LRRC9: variants seen among roughly 807,000 people sequenced by gnomAD.
LRRC9 encodes the protein leucine rich repeat containing 9.
A neutral mutation model predicts 63.2 loss-of-function variants in LRRC9; 122 were observed. That is an observed-to-expected ratio of 1.93 (90% CI 1.67 to 2.24). The LOEUF (loss-of-function observed/expected upper bound fraction) is 2.24. Ranked by LOEUF, LRRC9 falls within the 30% of genes most tolerant of loss-of-function variation. LRRC9 has a pLI of 0.00. For missense variants in LRRC9, 1,071 were observed against 627.7 expected (o/e 1.71, Z -7.55); for synonymous variants, 366 against 213.1 (o/e 1.72, Z -6.25).
intron 15 of LRRC9, among the ~76,000 whole-genome samples, chr14:59,980,371 T>C (rs1210610161): frequency 6.6e-6 from 1 of 152,222 alleles, no homozygotes. Context: ...ATCACTATCA[T>C]ATTTGTTTTG....
rs558288831 is a variant in LRRC9, at chr14:59,932,185, C to G, written c.543+146C>G. On this transcript the variant is annotated intron_variant, in intron 6 of 31. Transcript: ENST00000445360. This position sits in a 1 kb window ranked among gnomAD's most constrained non-coding sequence, Gnocchi z 4.7. ...TCCAGGAAATTTGAAAGTCATCTGACTACATTGGCCTTAATGATCTGACAC... is the reference window on the plus strand; with the variant it reads ...TCCAGGAAATTTGAAAGTCATCTGAGTACATTGGCCTTAATGATCTGACAC... 7.1e-6 allele frequency: 4 copies of G among 566,106 alleles called. No homozygotes were observed. The highest frequency in any genetic ancestry group is 1.2e-5 in the Non-Finnish European group (4 of 322,720). 35.1% of individuals were successfully genotyped at this position (566,106 alleles called of 1,614,324 possible).
At chr14:60,041,808 TGGA>T (rs899541936) in intron 29 of LRRC9, among the ~76,000 whole-genome samples, 37 of 152,352 alleles carry the variant, frequency 2.4e-4, no homozygotes, top group Admixed American at 2.1e-3. Context: ...TGCATTCCTT[TGGA>T]GGAGAAGAGG....
rs374570950 is a variant in LRRC9, at chr14:59,966,163, ATGT to A, written c.1212-422_1212-420del. Among the ~76,000 whole-genome samples, 229 of 152,252 alleles carry A rather than the reference ATGT, an allele frequency of 1.5e-3. No homozygotes were observed. Among genetic ancestry groups the A allele is most frequent in the African/African-American group, 5.1e-3 (211 of 41,544 alleles). On this transcript the variant is annotated intron_variant, in intron 10 of 31. Coordinates refer to ENST00000445360, the Ensembl canonical transcript of LRRC9. This position sits in a 1 kb window ranked among gnomAD's most constrained non-coding sequence, Gnocchi z 4.0. The stretch of plus-strand genomic sequence containing the variant: ...AGTAGAGATCAAGACTAGAAATAAA[ATGT>A]TGTAATTTATCAGGATGTATATAAA...
intron 17 of LRRC9, among the ~76,000 whole-genome samples, chr14:59,985,951 T>G (rs1390015233): frequency 6.6e-6 from 1 of 152,164 alleles, no homozygotes; most frequent in Non-Finnish European, 1.5e-5. Context: ...TTTCTACTCT[T>G]GTTTTCCCAC....
In LRRC9 at chr14:59,933,478, G is replaced by A. The variant is rs114068013; in HGVS notation, c.543+1439G>A. On this transcript the variant is annotated intron_variant, in intron 6 of 31. Transcript: ENST00000445360. ...GTTAAAAGGTGGCATTTATAATTTT[G>A]CCAGTGTAAGATTGAAGGTGCATAT... Among the ~76,000 whole-genome samples the A allele has an allele frequency of 3.5e-3, 537 of 152,268 alleles. 3 individuals carry two copies. Among genetic ancestry groups the A allele is most frequent in the African/African-American group, 0.012 (518 of 41,554 alleles).
At chr14:59,937,672 A>G (rs1434607282) in intron 6 of LRRC9, among the ~76,000 whole-genome samples, 1 of 152,180 alleles carries the variant, frequency 6.6e-6, no homozygotes, top group Non-Finnish European at 1.5e-5. Flanking sequence ...AAGAGGCAAG[A>G]CTGAAGAGTT....
intron 15 of LRRC9, among the ~76,000 whole-genome samples, chr14:59,981,527 T>G (rs1886926766): frequency 6.6e-6 from 1 of 152,220 alleles, no homozygotes; most frequent in Non-Finnish European, 1.5e-5. Context: ...ACATTTCTGA[T>G]CCTATTTACC....
intron 12 of LRRC9, among the ~76,000 whole-genome samples, chr14:59,969,641 C>G (rs1566827235): frequency 6.6e-6 from 1 of 152,176 alleles, no homozygotes; most frequent in Non-Finnish European, 1.5e-5. Context: ...ATTTGACTAG[C>G]AAACATATCT....
intron 23 of LRRC9, among the ~76,000 whole-genome samples, chr14:60,012,406 T>G (rs1457614044): frequency 6.6e-6 from 1 of 152,146 alleles, no homozygotes; most frequent in Non-Finnish European, 1.5e-5. Context: ...ACAATTTGGG[T>G]AGTTGTGTTT....
At position 59,962,907 on chromosome 14, in the gene LRRC9, G is replaced by C. The variant is rs921169820; in HGVS notation, c.1211+1862G>C. Among the ~76,000 whole-genome samples, 6 of 152,122 alleles carry C rather than the reference G, an allele frequency of 3.9e-5. No individual in the cohort carries two copies. Among genetic ancestry groups the C allele is most frequent in the Non-Finnish European group, 8.8e-5 (6 of 68,020 alleles). On this transcript the variant is annotated intron_variant, in intron 10 of 31. Coordinates refer to ENST00000445360, the Ensembl canonical transcript of LRRC9. The surrounding 1 kb of genome is among the most constrained non-coding windows in gnomAD (Gnocchi z 5.1). ...TAACCTGTTTACTTGGTTTTAATAA[G>C]AGTAACTTTGATTTGTTTTAAGGAA...
At chr14:60,063,412 T>C (rs750117148) in exon 32 of LRRC9, 18 of 691,362 alleles carry the variant, frequency 2.6e-5, no homozygotes, top group Middle Eastern at 2.3e-4. Flanking sequence ...TGTTTAGTAG[T>C]TGTACAAAAA....
At chr14:60,063,143 C>T (rs1380319858) in intron 31 of LRRC9, among the ~76,000 whole-genome samples, 180 bp from the exon 33 acceptor site, 1 of 152,126 alleles carries the variant, frequency 6.6e-6, no homozygotes, top group African/African-American at 2.4e-5. Context: ...GATCCACCTG[C>T]CTCAGCCTCC....
chr14:59,961,715 T>C (rs1219640591), intron 10 of LRRC9, among the ~76,000 whole-genome samples: 1 of 152,208 alleles, frequency 6.6e-6, no homozygotes, highest in Non-Finnish European at 1.5e-5. Context: ...TACTAGTAGA[T>C]ACTAGGAAGT....
chr14:60,002,285 C>T (rs1193803887), intron 20 of LRRC9, among the ~76,000 whole-genome samples, 185 bp downstream of exon 20: 1 of 152,016 alleles, frequency 6.6e-6, no homozygotes, highest in Admixed American at 6.6e-5. Context: ...TATACAATAC[C>T]GTATCGTTAA....
chr14:59,991,121 T>G (rs1464083851), intron 17 of LRRC9, among the ~76,000 whole-genome samples: 1 of 152,218 alleles, frequency 6.6e-6, no homozygotes, highest in Non-Finnish European at 1.5e-5. Context: ...ACTATTATGT[T>G]TATTCCAGTA....
At chr14:59,996,768 A>G (rs1264494289) in intron 17 of LRRC9, among the ~76,000 whole-genome samples, 1 of 152,180 alleles carries the variant, frequency 6.6e-6, no homozygotes, top group Admixed American at 6.5e-5. Flanking sequence ...ACTTGGCAGT[A>G]TTTATCGAGA....
chr14:60,052,476 G>A (rs1336282835), intron 29 of LRRC9, among the ~76,000 whole-genome samples: 1 of 152,126 alleles, frequency 6.6e-6, no homozygotes, highest in Non-Finnish European at 1.5e-5. Context: ...AGGAAATGAG[G>A]TGCAGCATAA....
rs940256430 is a variant in LRRC9 at position 59,930,116 on chromosome 14, GAAAT to G, written c.268-799_268-796del. ...AATTGATTTGTGCAAAGGAAAAACA[GAAAT>G]AAGGGATTAAAACATAAACATATTC... On this transcript the variant is annotated intron_variant, in intron 3 of 31. Transcript: ENST00000445360. This position sits in a 1 kb window ranked among gnomAD's most constrained non-coding sequence, Gnocchi z 4.9. Among the ~76,000 whole-genome samples, 1 of 151,880 alleles carries G rather than the reference GAAAT, an allele frequency of 6.6e-6. No individual in the cohort carries two copies. Among genetic ancestry groups the G allele is most frequent in the African/African-American group, 2.4e-5 (1 of 41,386 alleles).
chr14:60,053,907 G>GA lies in LRRC9; in HGVS notation c.4131+709dup. Reference sequence around the variant, plus strand: ...ACATTATTAGAATGCTGTGGTTTGAGAAAAAAAGAGGCTGGAGGGAGAAGG... The same window carrying GA: ...ACATTATTAGAATGCTGTGGTTTGAGAAAAAAAAGAGGCTGGAGGGAGAAGG... On this transcript the variant is annotated intron_variant, in intron 30 of 31. Transcript: ENST00000445360. The surrounding 1 kb of genome is among the most constrained non-coding windows in gnomAD (Gnocchi z 4.8). 2.2e-6 allele frequency: 1 copy of GA among 454,924 alleles called. No homozygotes were observed. The highest frequency in any genetic ancestry group is 4.4e-6 in the Non-Finnish European group (1 of 226,414). 28.2% of individuals were successfully genotyped at this position (454,924 alleles called of 1,614,324 possible). A position where few individuals can be genotyped will look rare whatever the true frequency, so the allele number is the denominator to read the frequency against.
Sources: allele counts gnomAD v4.1 joint callset (sites outside exome capture counted in the v4.1 genomes callset), GRCh38; gene constraint gnomAD v4.1.1; non-coding constraint Gnocchi (gnomAD v3.1); transcripts MANE v1.5; gene names NCBI Gene and HGNC (gene_info 2026-07-23, HGNC 2026-07-21).